The following SUFU variants were observed in gnomAD, a reference collection of about 807,000 sequenced individuals.
SUFU encodes the protein SUFU negative regulator of hedgehog signaling, also known as suppressor of fused homolog.
In SUFU, 7 loss-of-function variants were observed where a neutral mutation model predicts 58.9. That is an observed-to-expected ratio of 0.12 (90% CI 0.07 to 0.22). SUFU has a LOEUF of 0.22. SUFU is among the 10% of genes least tolerant of loss of function. SUFU has a pLI of 1.00. For synonymous variants in SUFU, 232 were observed against 254.8 expected, an observed-to-expected ratio of 0.91 and a Z score of 0.85; for missense variants, 451 against 641.3, an observed-to-expected ratio of 0.70 and a Z score of 3.20.
chr10:102,597,987 A>G (rs2063480714), intron 7 of SUFU, among the ~76,000 whole-genome samples: 1 of 152,232 alleles, frequency 6.6e-6, no homozygotes, highest in African/African-American at 2.4e-5. Context: ...ATGTGTTGAC[A>G]GCTTCTTTGT....
intron 2 of SUFU, among the ~76,000 whole-genome samples, chr10:102,549,132 T>C (rs1038571937): frequency 1.3e-5 from 2 of 152,186 alleles, no homozygotes; most frequent in African/African-American, 2.4e-5. Flanking sequence ...GGTTGTACCC[T>C]TGTGGGCAGA....
chr10:102,524,740 TC>T (rs1435768841), intron 2 of SUFU, among the ~76,000 whole-genome samples: 4 of 152,166 alleles, frequency 2.6e-5, no homozygotes, highest in East Asian at 1.9e-4. Context: ...TTATTGTCTG[TC>T]CCCCCTCCTT....
intron 2 of SUFU, among the ~76,000 whole-genome samples, chr10:102,529,019 GT>G (rs951914127): frequency 2.3e-4 from 33 of 145,588 alleles, no homozygotes; most frequent in African/African-American, 5.0e-4. Flanking sequence ...AGATTTATGG[GT>G]TTTTTTTCTA....
chr10:102,630,481 G>A lies in SUFU; in HGVS notation c.*326G>A. On this transcript the variant is annotated 3_prime_UTR_variant, in exon 12 of 12. Coordinates refer to ENST00000369902, the MANE Select transcript of SUFU (RefSeq NM_016169.4). ...TGGACCCTGGCTGTGCCCCTAGGTG[G>A]AGACAGCCCTCTTTCTCACCTACCC... The A allele has an allele frequency of 2.2e-6, 1 of 462,412 alleles. No individual in the cohort carries two copies. Among genetic ancestry groups the A allele is most frequent in the African/African-American group, 1.9e-5 (1 of 51,596 alleles). The allele number at this position is 462,412 out of a possible 1,614,324, so 28.6% of individuals were successfully genotyped here. A position where few individuals can be genotyped will look rare whatever the true frequency, so the allele number is the denominator to read the frequency against.
intron 6 of SUFU, 66 bp downstream of exon 6, chr10:102,594,131 C>T: frequency 6.6e-7 from 1 of 1,521,688 alleles, no homozygotes; most frequent in Non-Finnish European, 9.1e-7. Context: ...ATAACACTGG[C>T]TTTCATCCTG....
chr10:102,585,538 A>C lies in SUFU; in HGVS notation c.455-7044A>C, dbSNP rs554424730. On this transcript the variant is annotated intron_variant, in intron 3 of 11. Coordinates refer to ENST00000369902, the MANE Select transcript of SUFU (RefSeq NM_016169.4). ...CTTTTGTTTTTTGAGACAGGGTCTC[A>C]CTCTGTCATCCAGGCTGGAATACTA... Among the ~76,000 whole-genome samples, 5 of 151,978 alleles carry C rather than the reference A, an allele frequency of 3.3e-5. No homozygotes were observed. In the South Asian group the frequency reaches 1.0e-3, roughly 32 times the overall value.
chr10:102,528,527 G>A (rs1417605688), intron 2 of SUFU, among the ~76,000 whole-genome samples: 1 of 152,034 alleles, frequency 6.6e-6, no homozygotes, highest in Non-Finnish European at 1.5e-5. Context: ...CTGTGATCAC[G>A]GCACTACACT....
intron 3 of SUFU, among the ~76,000 whole-genome samples, chr10:102,577,977 G>A (rs2063231488): frequency 6.7e-6 from 1 of 149,452 alleles, no homozygotes; most frequent in Non-Finnish European, 1.5e-5. Context: ...CACCGTGCCT[G>A]GCCAGGACTA....
chr10:102,573,224 G>T (rs530113332), intron 3 of SUFU: 9 of 717,502 alleles, frequency 1.3e-5, no homozygotes, highest in South Asian at 1.0e-4. Flanking sequence ...TTTCGGCACC[G>T]TCTTGTGAAA....
At chr10:102,603,268 C>A (rs1370454961) in intron 8 of SUFU, among the ~76,000 whole-genome samples, 1 of 152,174 alleles carries the variant, frequency 6.6e-6, no homozygotes, top group African/African-American at 2.4e-5. Context: ...CTCAAGTGAT[C>A]CTCCTACCTT....
At chr10:102,548,873 A>C (rs1181516636) in intron 2 of SUFU, among the ~76,000 whole-genome samples, 3 of 152,162 alleles carry the variant, frequency 2.0e-5, no homozygotes, top group African/African-American at 7.2e-5. Context: ...AATTGTGGCC[A>C]CAGAAGCAGT....
intron 1 of SUFU, 107 bp from the exon 2 acceptor site, chr10:102,509,062 A>G (rs2062365489): frequency 1.3e-6 from 2 of 1,484,104 alleles, no homozygotes; most frequent in Non-Finnish European, 1.9e-6. Flanking sequence ...CCTTTCACCC[A>G]GGTTCCTCCA....
chr10:102,505,366 A>C (rs970467704), intron 1 of SUFU, among the ~76,000 whole-genome samples: 35 of 152,216 alleles, frequency 2.3e-4, no homozygotes, highest in African/African-American at 8.2e-4. Flanking sequence ...TTGCTGGACC[A>C]AAAACTGAGA....
At chr10:102,506,039 G>GAAAA (rs1170831161) in intron 1 of SUFU, among the ~76,000 whole-genome samples, 5 of 84,212 alleles carry the variant, frequency 5.9e-5, no homozygotes, top group Non-Finnish European at 9.6e-5. Flanking sequence ...TCTGTTATTT[G>GAAAA]AAAAAAAAAA....
At chr10:102,600,961 G>A (rs989954480) in intron 8 of SUFU, among the ~76,000 whole-genome samples, 4 of 152,170 alleles carry the variant, frequency 2.6e-5, no homozygotes, top group Non-Finnish European at 5.9e-5. Flanking sequence ...CAGGTCATAC[G>A]ACATATGGAA....
intron 11 of SUFU, among the ~76,000 whole-genome samples, chr10:102,627,569 G>A (rs1229342753): frequency 1.3e-5 from 2 of 152,240 alleles, no homozygotes; most frequent in East Asian, 1.9e-4. Context: ...AGGCTAGTAC[G>A]AGTTCTCCCC....
At chr10:102,566,625 C>T (rs1051807993) in intron 3 of SUFU, among the ~76,000 whole-genome samples, 2 of 152,014 alleles carry the variant, frequency 1.3e-5, no homozygotes, top group East Asian at 1.9e-4. Flanking sequence ...ATAAACCAGG[C>T]GTGGTGGCGG....
chr10:102,506,039 GAAAA>G (rs1170831161), intron 1 of SUFU, among the ~76,000 whole-genome samples: 6 of 84,214 alleles, frequency 7.1e-5, no homozygotes, highest in Non-Finnish European at 1.2e-4. Context: ...TCTGTTATTT[GAAAA>G]AAAAAAAAAA....
intron 3 of SUFU, among the ~76,000 whole-genome samples, chr10:102,553,484 G>A (rs2062941716): frequency 6.7e-6 from 1 of 148,460 alleles, no homozygotes; most frequent in African/African-American, 2.5e-5. Context: ...TTTTTTTTGA[G>A]ATGGAGTCTC....
Sources: allele counts gnomAD v4.1 joint callset (sites outside exome capture counted in the v4.1 genomes callset), GRCh38; gene constraint gnomAD v4.1.1; transcripts MANE v1.5; gene names NCBI Gene and HGNC (gene_info 2026-07-23, HGNC 2026-07-21).